Variants in BMP2K observed in about 807,000 individuals in gnomAD.
BMP2K encodes the protein BMP2 inducible kinase, also known as BMP-2-inducible protein kinase.
Under a neutral mutation model 116.0 loss-of-function variants are expected in BMP2K, and 74 were observed. The observed-to-expected ratio is 0.64, with a 90% CI of 0.53 to 0.77. The LOEUF (loss-of-function observed/expected upper bound fraction) is 0.77. Ranked by LOEUF, BMP2K falls within the 30% of genes least tolerant of loss-of-function variation. The probability of loss-of-function intolerance (pLI) is 0.00; values close to 1 mark genes in which losing one functional copy is unlikely to be tolerated. For missense variants in BMP2K, 1,365 were observed against 1,403.6 expected (o/e 0.97, Z 0.44); for synonymous variants, 486 against 502.5 (o/e 0.97, Z 0.44).
chr4:78,788,661 G>T (rs1168906939), intron 1 of BMP2K, among the ~76,000 whole-genome samples: 1 of 151,272 alleles, frequency 6.6e-6, no homozygotes, highest in East Asian at 1.9e-4. Context: ...TCACCTTAGT[G>T]CAGTGGGAAC....
intron 15 of BMP2K, among the ~76,000 whole-genome samples, chr4:78,899,569 GA>G (rs1733889726): frequency 6.6e-6 from 1 of 152,036 alleles, no homozygotes; most frequent in Non-Finnish European, 1.5e-5. Context: ...TTCTAACAGT[GA>G]AGAGGCAAGA....
At chr4:78,785,717 T>A (rs143815854) in intron 1 of BMP2K, among the ~76,000 whole-genome samples, 1 of 152,356 alleles carries the variant, frequency 6.6e-6, no homozygotes, top group African/African-American at 2.4e-5. Context: ...ATACAAAGTT[T>A]ACCCTTGATA....
intron 1 of BMP2K, among the ~76,000 whole-genome samples, chr4:78,800,462 T>C (rs1268773916): frequency 6.6e-6 from 1 of 152,210 alleles, no homozygotes; most frequent in African/African-American, 2.4e-5. Context: ...CCCATACACA[T>C]TCAGTAATAC....
intron 3 of BMP2K, among the ~76,000 whole-genome samples, chr4:78,834,047 G>A (rs1474791159): frequency 3.3e-5 from 5 of 151,782 alleles, no homozygotes; most frequent in African/African-American, 1.2e-4. Context: ...ACTCTACTAC[G>A]TTATTGTAAA....
intron 15 of BMP2K, among the ~76,000 whole-genome samples, chr4:78,893,122 A>C (rs1189407725): frequency 1.3e-5 from 2 of 152,226 alleles, no homozygotes; most frequent in African/African-American, 2.4e-5. Context: ...CCATTGCTTT[A>C]TGAATTATGT....
chr4:78,805,179 A>T (rs1166216364), intron 1 of BMP2K, among the ~76,000 whole-genome samples: 3 of 152,192 alleles, frequency 2.0e-5, no homozygotes, highest in African/African-American at 7.2e-5. Flanking sequence ...GTCTTTCCTC[A>T]TTGAATTCTT....
chr4:78,883,946 C>G (rs751037788), intron 14 of BMP2K, among the ~76,000 whole-genome samples: 15 of 151,882 alleles, frequency 9.9e-5, no homozygotes, highest in Non-Finnish European at 1.8e-4. Flanking sequence ...GCCTGTAGTC[C>G]CAGCTACTCC....
In BMP2K at chr4:78,915,624, G is replaced by A. The variant is rs371156683; in HGVS notation, c.*3591G>A. 8.6e-5 allele frequency: 13 copies of A among 151,914 alleles called. No individual in the cohort carries two copies. The East Asian group carries it at 2.5e-3, about 29-fold the overall frequency. 9.4% of individuals were successfully genotyped at this position (151,914 alleles called of 1,614,324 possible). A position where few individuals can be genotyped will look rare whatever the true frequency, so the allele number is the denominator to read the frequency against. On this transcript the variant is annotated 3_prime_UTR_variant, in exon 16 of 16. Coordinates refer to ENST00000502613, the MANE Select transcript of BMP2K (RefSeq NM_198892.2). Reference sequence around the variant, plus strand: ...TACTCAGTGGTGTTTTATATATTAAGATAAAAATATGTACACACATGCATG... The same window carrying A: ...TACTCAGTGGTGTTTTATATATTAAAATAAAAATATGTACACACATGCATG...
intron 15 of BMP2K, among the ~76,000 whole-genome samples, chr4:78,900,834 T>G (rs1733961518): frequency 6.6e-6 from 1 of 152,226 alleles, no homozygotes; most frequent in Non-Finnish European, 1.5e-5. Context: ...ATTGTATCAA[T>G]AATCTGTTTG....
Position 78,847,231 on chromosome 4 carries a change from T to C in BMP2K, c.712T>C (p.Tyr238His), listed in dbSNP as rs1438370779. ...SYRAPEMINL[Y>H]GGKPITTKAD... ...CAGAGCCCCTGAAATGATCAACCTT[T>C]ATGGAGGGAAACCCATCACCACCAA... Residue 238 changes from tyrosine to histidine, a missense_variant, in exon 6 of 16, where the codon TAT becomes CAT. Coordinates refer to ENST00000502613, the MANE Select transcript of BMP2K (RefSeq NM_198892.2). 4 of 1,590,750 alleles carry C rather than the reference T, an allele frequency of 2.5e-6. No individual in the cohort carries two copies. The African/African-American group carries it at 4.1e-5, about 16-fold the overall frequency.
chr4:78,821,881 A>G (rs1335065219), intron 1 of BMP2K, among the ~76,000 whole-genome samples: 9 of 152,224 alleles, frequency 5.9e-5, no homozygotes, highest in Non-Finnish European at 1.3e-4. Flanking sequence ...GGGAGTTACA[A>G]ATATGTAAAG....
At chr4:78,904,481 G>A (rs1006829730) in intron 15 of BMP2K, among the ~76,000 whole-genome samples, 7 of 151,814 alleles carry the variant, frequency 4.6e-5, no homozygotes, top group Non-Finnish European at 1.0e-4. Flanking sequence ...TTTCCTGAGA[G>A]ACTGTTTACA....
chr4:78,817,281 G>A (rs1729396857), intron 1 of BMP2K, among the ~76,000 whole-genome samples: 1 of 152,186 alleles, frequency 6.6e-6, no homozygotes, highest in African/African-American at 2.4e-5. Context: ...AGACTCCACA[G>A]GTTAAGGGAC....
intron 1 of BMP2K, among the ~76,000 whole-genome samples, chr4:78,801,624 A>G (rs944057319): frequency 2.0e-5 from 3 of 152,066 alleles, no homozygotes; most frequent in Non-Finnish European, 2.9e-5. Flanking sequence ...TTGTTTTGGA[A>G]TGCTTAAGGT....
chr4:78,781,410 TAAGG>T (rs1187384651), intron 1 of BMP2K, among the ~76,000 whole-genome samples: 2 of 151,516 alleles, frequency 1.3e-5, no homozygotes, highest in Non-Finnish European at 2.9e-5. Context: ...TTTGGGAACA[TAAGG>T]AAGGAACAGA....
chr4:78,818,996 C>T (rs1195039108), intron 1 of BMP2K, among the ~76,000 whole-genome samples: 1 of 151,918 alleles, frequency 6.6e-6, no homozygotes, highest in Admixed American at 6.6e-5. Flanking sequence ...CAAGGTTTTA[C>T]CATGTTGCCC....
intron 2 of BMP2K, among the ~76,000 whole-genome samples, chr4:78,832,931 T>C (rs984596950): frequency 6.6e-6 from 1 of 152,032 alleles, no homozygotes; most frequent in African/African-American, 2.4e-5. Context: ...ATAATATTTT[T>C]AATAGTTGTT....
At chr4:78,882,629 T>C (rs1192276314) in intron 14 of BMP2K, among the ~76,000 whole-genome samples, 1 of 151,944 alleles carries the variant, frequency 6.6e-6, no homozygotes, top group Non-Finnish European at 1.5e-5. Context: ...ATTATTAACA[T>C]ATTTGTGCAA....
chr4:78,839,050 A>T (rs1730627117), intron 3 of BMP2K, among the ~76,000 whole-genome samples: 1 of 152,192 alleles, frequency 6.6e-6, no homozygotes, highest in Admixed American at 6.5e-5. Flanking sequence ...TCCATGGATT[A>T]TGTATCTGTT....
Sources: allele counts gnomAD v4.1 joint callset (sites outside exome capture counted in the v4.1 genomes callset), GRCh38; gene constraint gnomAD v4.1.1; transcripts MANE v1.5; gene names NCBI Gene and HGNC (gene_info 2026-07-23, HGNC 2026-07-21).